TTC39B: variants seen among roughly 807,000 people sequenced by gnomAD.
The protein encoded by TTC39B is tetratricopeptide repeat protein 39B.
In TTC39B, 92 loss-of-function variants were observed where a neutral mutation model predicts 96.6. The observed-to-expected ratio is 0.95, with a 90% confidence interval of 0.80 to 1.13. The LOEUF is 1.13. Ranked by LOEUF, TTC39B falls within the 50% of genes most tolerant of loss-of-function variation. TTC39B has a pLI of 0.00. For missense variants in TTC39B, 955 were observed against 809.3 expected (o/e 1.18, Z -2.18); for synonymous variants, 367 against 299.4 (o/e 1.23, Z -2.33).
chr9:15,169,239 T>G (rs1021527742), exon 20 of TTC39B: 2 of 152,210 alleles, frequency 1.3e-5, no homozygotes, highest in Admixed American at 6.5e-5. Context: ...ACAGGATCAA[T>G]GGACTTAATT....
chr9:15,262,252 C>T (rs1245634944), intron 2 of TTC39B, among the ~76,000 whole-genome samples: 1 of 152,138 alleles, frequency 6.6e-6, no homozygotes, highest in Non-Finnish European at 1.5e-5. Context: ...GCATGCGCCA[C>T]AAAGCCCAGC....
chr9:15,264,591 G>A (rs1443012051), intron 2 of TTC39B, among the ~76,000 whole-genome samples: 1 of 149,582 alleles, frequency 6.7e-6, no homozygotes, highest in Non-Finnish European at 1.5e-5. Flanking sequence ...GGAGGCAGAG[G>A]TTGCAGTGAG....
chr9:15,298,921 C>T (rs1163820182), intron 1 of TTC39B, among the ~76,000 whole-genome samples: 2 of 152,308 alleles, frequency 1.3e-5, no homozygotes, highest in East Asian at 1.9e-4. Flanking sequence ...CCCTTCCCCA[C>T]ATCACTTCTC....
At chr9:15,240,823 T>C (rs1335803313) in intron 2 of TTC39B, among the ~76,000 whole-genome samples, 1 of 152,192 alleles carries the variant, frequency 6.6e-6, no homozygotes, top group Non-Finnish European at 1.5e-5. Flanking sequence ...AAAAGTCAGT[T>C]CTTGAATGTG....
chr9:15,296,788 C>T (rs1824396408), intron 1 of TTC39B, among the ~76,000 whole-genome samples: 2 of 152,164 alleles, frequency 1.3e-5, no homozygotes, highest in East Asian at 1.9e-4. Context: ...TGAGCCACTG[C>T]GCCTGGCCAA....
At chr9:15,204,236 C>A (rs1819712081) in intron 6 of TTC39B, among the ~76,000 whole-genome samples, 1 of 152,094 alleles carries the variant, frequency 6.6e-6, no homozygotes, top group African/African-American at 2.4e-5. Context: ...TAATTAGTAA[C>A]ATAAAACTTT....
chr9:15,191,259 T>C lies in TTC39B; in HGVS notation c.931-4A>G. ...TTGCTGGTAAAAGGGACAGCATCTG[T>C]AAGAAAAAAATATACAGTGTACTTA... On this transcript the variant is annotated splice_polypyrimidine_tract_variant and splice_region_variant and intron_variant, in intron 9 of 19. Transcript: ENST00000512701. 6.2e-7 allele frequency: 1 copy of C among 1,601,544 alleles called. No homozygotes were observed. The highest frequency in any genetic ancestry group is 8.5e-7 in the Non-Finnish European group (1 of 1,173,222).
At chr9:15,206,252 A>G (rs1463768173) in intron 6 of TTC39B, among the ~76,000 whole-genome samples, 2 of 152,066 alleles carry the variant, frequency 1.3e-5, no homozygotes, top group African/African-American at 2.4e-5. Context: ...GCCAGCCACA[A>G]GAGAAAAGAA....
At chr9:15,211,731 G>C (rs1317369916) in intron 4 of TTC39B, among the ~76,000 whole-genome samples, 1 of 152,170 alleles carries the variant, frequency 6.6e-6, no homozygotes, top group Non-Finnish European at 1.5e-5. Flanking sequence ...TCTGAAATAA[G>C]TGCTAAAATA....
intron 8 of TTC39B, among the ~76,000 whole-genome samples, chr9:15,196,527 T>G (rs897565274): frequency 6.6e-6 from 1 of 152,172 alleles, no homozygotes; most frequent in Non-Finnish European, 1.5e-5. Flanking sequence ...ACAGAGGTGT[T>G]AGAAACAGAA....
chr9:15,299,825 A>G (rs956637526), intron 1 of TTC39B, among the ~76,000 whole-genome samples: 1 of 152,170 alleles, frequency 6.6e-6, no homozygotes, highest in Admixed American at 6.5e-5. Flanking sequence ...GGAAACTGAG[A>G]TAAGAAGGCA....
chr9:15,252,164 T>G lies in TTC39B; in HGVS notation c.275+15750A>C, dbSNP rs1345208152. On this transcript the variant is annotated intron_variant, in intron 2 of 19. Transcript: ENST00000512701. ...CCCAAATGCAAAATTATTAGTAAAG[T>G]ACATTTCACACCTTCATTTTTCCAT... Among the ~76,000 whole-genome samples the G allele has an allele frequency of 7.2e-5, 11 of 152,322 alleles. No homozygotes were observed. In the East Asian group the frequency reaches 2.1e-3, roughly 29 times the overall value.
intron 2 of TTC39B, among the ~76,000 whole-genome samples, chr9:15,231,157 T>C (rs1032758872): frequency 1.3e-5 from 2 of 152,166 alleles, no homozygotes; most frequent in African/African-American, 4.8e-5. Context: ...CCAAAGTGGC[T>C]GTGTGATTTT....
intron 1 of TTC39B, among the ~76,000 whole-genome samples, chr9:15,290,388 G>A (rs1824139957): frequency 6.6e-6 from 1 of 152,104 alleles, no homozygotes; most frequent in African/African-American, 2.4e-5. Context: ...ATGATAGAAG[G>A]CCACCTATCT....
intron 2 of TTC39B, among the ~76,000 whole-genome samples, chr9:15,251,731 A>ATGTATG (rs1563764604): frequency 7.1e-5 from 9 of 126,968 alleles, no homozygotes; most frequent in African/African-American, 2.9e-4. Flanking sequence ...ATATATATAT[A>ATGTATG]TATATGTAGT....
chr9:15,234,699 G>A (rs1821684483), intron 2 of TTC39B, among the ~76,000 whole-genome samples: 1 of 151,864 alleles, frequency 6.6e-6, no homozygotes, highest in South Asian at 2.1e-4. Context: ...AAATTCTTCT[G>A]CCTTGGGATC....
chr9:15,283,036 C>T lies in TTC39B; in HGVS notation c.241-15088G>A, dbSNP rs145277193. ...AAATTAGGTACAACTATTTGTTTCA[C>T]GTCTGCCCTCCCTCCAGGCGGCATT... On this transcript the variant is annotated intron_variant, in intron 1 of 19. Coordinates refer to ENST00000512701, the Ensembl canonical transcript of TTC39B. Among the ~76,000 whole-genome samples, 240 of 152,260 alleles carry T rather than the reference C, an allele frequency of 1.6e-3. 3 individuals carry two copies. The highest frequency in any genetic ancestry group is 5.5e-3 in the African/African-American group (227 of 41,530).
At chr9:15,293,439 G>A (rs1478561622) in intron 1 of TTC39B, among the ~76,000 whole-genome samples, 1 of 152,180 alleles carries the variant, frequency 6.6e-6, no homozygotes, top group Non-Finnish European at 1.5e-5. Context: ...GGGGAACAGT[G>A]TATGAAAAAG....
At chr9:15,254,138 G>A (rs1394554776) in intron 2 of TTC39B, among the ~76,000 whole-genome samples, 1 of 151,610 alleles carries the variant, frequency 6.6e-6, no homozygotes, top group Non-Finnish European at 1.5e-5. Context: ...TAAACCTGGG[G>A]TGTCTATAAA....
Sources: gnomAD v4.1 joint callset for allele counts (sites outside exome capture counted in the v4.1 genomes callset) on GRCh38, gnomAD v4.1.1 for gene constraint, MANE v1.5 for transcripts, NCBI Gene and HGNC (gene_info 2026-07-23, HGNC 2026-07-21) for gene names.